ENOX1: variants seen among roughly 807,000 people sequenced by gnomAD.
ENOX1 encodes ecto-NOX disulfide-thiol exchanger 1.
ENOX1 carries 42 observed loss-of-function variants against 82.5 expected under a neutral mutation model. The ratio of observed to expected loss-of-function variants is 0.51; its 90% CI spans 0.40 to 0.66. ENOX1 has a LOEUF of 0.66. Among genes scored for constraint, ENOX1 ranks in the 30% least tolerant of loss-of-function variants. ENOX1 has a pLI of 0.00. For missense variants in ENOX1, 608 were observed against 811.6 expected (o/e 0.75, Z 3.05); for synonymous variants, 271 against 282.2 (o/e 0.96, Z 0.40).
chr13:43,680,455 T>G (rs922241612), intron 1 of ENOX1, among the ~76,000 whole-genome samples: 2 of 151,992 alleles, frequency 1.3e-5, no homozygotes, highest in African/African-American at 4.8e-5. Context: ...ATACCAATTC[T>G]AAAGGGGATA....
intron 1 of ENOX1, among the ~76,000 whole-genome samples, chr13:43,671,224 A>T (rs1953648374): frequency 1.3e-5 from 2 of 152,188 alleles, no homozygotes; most frequent in Non-Finnish European, 2.9e-5. Context: ...AGCCATGCAG[A>T]ACTGTCAGTC....
intron 2 of ENOX1, among the ~76,000 whole-genome samples, chr13:43,540,796 G>A (rs2078672205): frequency 6.6e-6 from 1 of 152,178 alleles, no homozygotes; most frequent in Non-Finnish European, 1.5e-5. Context: ...TAGGGGAGTG[G>A]ACAAGGTAAC....
At chr13:43,443,794 C>G (rs925773829) in intron 3 of ENOX1, among the ~76,000 whole-genome samples, 3 of 152,088 alleles carry the variant, frequency 2.0e-5, no homozygotes, top group Admixed American at 6.5e-5. Context: ...TAGGATCAGA[C>G]CAGGCGAAGG....
At chr13:43,228,771 T>C (rs2042140228) in intron 15 of ENOX1, among the ~76,000 whole-genome samples, 1 of 152,250 alleles carries the variant, frequency 6.6e-6, no homozygotes. Flanking sequence ...GGCAAGGGGC[T>C]GGTCCTGTGG....
intron 2 of ENOX1, among the ~76,000 whole-genome samples, chr13:43,611,430 G>T (rs143355350): frequency 3.9e-5 from 6 of 152,140 alleles, no homozygotes; most frequent in Non-Finnish European, 5.9e-5. Context: ...GAATGCATCC[G>T]TCATTTTGGA....
intron 5 of ENOX1, among the ~76,000 whole-genome samples, chr13:43,397,519 C>T (rs1285067801): frequency 1.3e-5 from 2 of 152,116 alleles, no homozygotes; most frequent in African/African-American, 4.8e-5. Context: ...ACAATGGTCC[C>T]ATCCAGTGAA....
chr13:43,660,727 T>A (rs1014395491), intron 2 of ENOX1, among the ~76,000 whole-genome samples: 3 of 152,130 alleles, frequency 2.0e-5, no homozygotes, highest in Non-Finnish European at 4.4e-5. Context: ...CAAGGAAGAA[T>A]GGTAAAAGGC....
At chr13:43,352,597 G>C (rs2049879918) in intron 8 of ENOX1, among the ~76,000 whole-genome samples, 1 of 152,208 alleles carries the variant, frequency 6.6e-6, no homozygotes, top group South Asian at 2.1e-4. Context: ...TTGGGTTTCT[G>C]AGCAGTTACT....
chr13:43,767,133 G>A (rs536720506), intron 1 of ENOX1, among the ~76,000 whole-genome samples: 233 of 152,282 alleles, frequency 1.5e-3, no homozygotes, highest in Non-Finnish European at 2.4e-3. Context: ...GAGAACCTTG[G>A]AGATTATTTA....
intron 2 of ENOX1, among the ~76,000 whole-genome samples, chr13:43,540,132 C>G (rs778951384): frequency 5.9e-5 from 9 of 152,178 alleles, no homozygotes; most frequent in Non-Finnish European, 7.3e-5. Flanking sequence ...AACATTACAT[C>G]TATTGACAAT....
intron 1 of ENOX1, among the ~76,000 whole-genome samples, chr13:43,681,842 A>G (rs2085802994): frequency 6.6e-6 from 1 of 152,078 alleles, no homozygotes; most frequent in Non-Finnish European, 1.5e-5. Context: ...CAGACTTCAA[A>G]TCATTTATCT....
At chr13:43,782,048 CTCT>C (rs1271197367) in intron 1 of ENOX1, among the ~76,000 whole-genome samples, 4 of 152,150 alleles carry the variant, frequency 2.6e-5, no homozygotes, top group African/African-American at 9.7e-5. Context: ...ACATAAATAT[CTCT>C]TGTTTAAAGC....
At chr13:43,228,630 G>A (rs2042132708) in intron 15 of ENOX1, among the ~76,000 whole-genome samples, 1 of 152,174 alleles carries the variant, frequency 6.6e-6, no homozygotes, top group Non-Finnish European at 1.5e-5. Context: ...GTCTCACTAA[G>A]ACTAAGGATG....
At chr13:43,313,897 G>A (rs981952069) in intron 11 of ENOX1, among the ~76,000 whole-genome samples, 4 of 152,124 alleles carry the variant, frequency 2.6e-5, no homozygotes, top group African/African-American at 4.8e-5. Context: ...TGATAATTTA[G>A]GTAACTGCTT....
intron 2 of ENOX1, among the ~76,000 whole-genome samples, chr13:43,605,154 T>C (rs1477131344): frequency 1.3e-5 from 2 of 151,852 alleles, no homozygotes; most frequent in Non-Finnish European, 2.9e-5. Flanking sequence ...ATGGAAGAAA[T>C]TGAAGAGAAC....
At chr13:43,725,110 CT>C (rs1327585151) in intron 1 of ENOX1, among the ~76,000 whole-genome samples, 2 of 152,086 alleles carry the variant, frequency 1.3e-5, no homozygotes, top group Non-Finnish European at 2.9e-5. Context: ...TCTCACTTTC[CT>C]TGATTATTAA....
intron 2 of ENOX1, among the ~76,000 whole-genome samples, chr13:43,537,889 C>A (rs1346608678): frequency 3.3e-5 from 5 of 152,216 alleles, no homozygotes; most frequent in Non-Finnish European, 5.9e-5. Context: ...ATCTGCCCAG[C>A]CTTCTACCCG....
intron 2 of ENOX1, among the ~76,000 whole-genome samples, chr13:43,606,199 C>A (rs1473218981): frequency 1.3e-5 from 2 of 152,142 alleles, no homozygotes; most frequent in Admixed American, 6.5e-5. Flanking sequence ...AACACTTGCA[C>A]ACTGTTTTTA....
chr13:43,459,763 A>G (rs773057691), intron 3 of ENOX1, among the ~76,000 whole-genome samples: 2 of 152,078 alleles, frequency 1.3e-5, no homozygotes, highest in Non-Finnish European at 2.9e-5. Flanking sequence ...GGAGGCTGAG[A>G]CGGGTGGATC....
Sources: gnomAD v4.1 joint callset for allele counts (sites outside exome capture counted in the v4.1 genomes callset) on GRCh38, gnomAD v4.1.1 for gene constraint, MANE v1.5 for transcripts, NCBI Gene and HGNC (gene_info 2026-07-23, HGNC 2026-07-21) for gene names.